The following VPS13B variants were observed in gnomAD, a reference collection of about 807,000 sequenced individuals.
VPS13B encodes the protein vacuolar protein sorting 13 homolog B.
A neutral mutation model predicts 426.4 loss-of-function variants in VPS13B; 285 were observed. The ratio of observed to expected loss-of-function variants is 0.67; its 90% confidence interval spans 0.61 to 0.74. VPS13B has a LOEUF of 0.74. Ranked by LOEUF, VPS13B falls within the 30% of genes least tolerant of loss-of-function variation. The pLI is 0.00. For synonymous variants in VPS13B, 1,676 were observed against 1,676.4 expected (o/e 1.00, Z 0.01); for missense variants, 4,537 against 4,782.6 (o/e 0.95, Z 1.51).
chr8:99,039,794 A>G (rs1842897804), intron 3 of VPS13B, among the ~76,000 whole-genome samples: 1 of 152,140 alleles, frequency 6.6e-6, no homozygotes, highest in Non-Finnish European at 1.5e-5. Context: ...TTTTCCATTT[A>G]TGAAATCTTT....
At chr8:99,277,457 T>G (rs972731274) in intron 19 of VPS13B, among the ~76,000 whole-genome samples, 2 of 152,170 alleles carry the variant, frequency 1.3e-5, no homozygotes, top group Non-Finnish European at 2.9e-5. Context: ...ATTAATCTTA[T>G]GTTCTTGTAA....
intron 2 of VPS13B, among the ~76,000 whole-genome samples, chr8:99,029,775 C>T (rs982363283): frequency 1.7e-5 from 2 of 120,838 alleles, no homozygotes; most frequent in East Asian, 2.5e-4. Context: ...GGAAGGAGAC[C>T]GTGGAAAGAG....
chr8:99,225,425 C>A (rs540799595), intron 17 of VPS13B, among the ~76,000 whole-genome samples: 1 of 152,160 alleles, frequency 6.6e-6, no homozygotes, highest in African/African-American at 2.4e-5. Flanking sequence ...TAGAGGCACC[C>A]ACCACCACGC....
Position 99,212,539 on chromosome 8 carries a change from A to C in VPS13B, c.2515+19482A>C, listed in dbSNP as rs566924705. Among the ~76,000 whole-genome samples, 3 of 152,324 alleles carry C rather than the reference A, an allele frequency of 2.0e-5. 1 individual carries two copies. The South Asian group carries it at 6.2e-4, about 32-fold the overall frequency. On this transcript the variant is annotated intron_variant, in intron 17 of 61. Coordinates refer to ENST00000357162, the MANE Select transcript of VPS13B (RefSeq NM_152564.5). ...AGGGAAGTCTGAGGAAGACAGGTGG[A>C]GGAAGGCAGAGCTGAGAAATCTCAG...
chr8:99,391,306 A>G (rs1436465614), intron 20 of VPS13B, among the ~76,000 whole-genome samples: 1 of 151,784 alleles, frequency 6.6e-6, no homozygotes, highest in African/African-American at 2.4e-5. Context: ...TTTAATTTAA[A>G]ATTTAAGTGG....
At chr8:99,691,483 G>A (rs1255846645) in intron 35 of VPS13B, among the ~76,000 whole-genome samples, 1 of 151,606 alleles carries the variant, frequency 6.6e-6, no homozygotes, top group Non-Finnish European at 1.5e-5. Context: ...ATTGTGCACG[G>A]GTGACTCAAG....
chr8:99,221,111 T>C (rs370329260), intron 17 of VPS13B, among the ~76,000 whole-genome samples: 1,263 of 122,596 alleles, frequency 0.01, 23 homozygotes, highest in African/African-American at 0.039. Context: ...CTACAAAGGA[T>C]ATGAACTCAT....
intron 19 of VPS13B, among the ~76,000 whole-genome samples, chr8:99,280,848 T>C (rs1819136241): frequency 1.3e-5 from 2 of 152,208 alleles, no homozygotes; most frequent in Admixed American, 1.3e-4. Flanking sequence ...TATCTTACCT[T>C]TCTTAGCTTT....
At chr8:99,177,231 T>G (rs1193690708) in intron 16 of VPS13B, among the ~76,000 whole-genome samples, 1 of 152,192 alleles carries the variant, frequency 6.6e-6, no homozygotes, top group Non-Finnish European at 1.5e-5. Context: ...GACTTTTTTT[T>G]ATGACATGGA....
intron 21 of VPS13B, among the ~76,000 whole-genome samples, chr8:99,410,574 A>AT (rs985655330): frequency 8.1e-5 from 12 of 148,514 alleles, no homozygotes; most frequent in South Asian, 2.1e-4. Context: ...TTATTTATTT[A>AT]TTATTATAAT....
chr8:99,497,335 TA>T (rs1218876997), intron 25 of VPS13B, among the ~76,000 whole-genome samples: 3 of 141,256 alleles, frequency 2.1e-5, no homozygotes, highest in African/African-American at 7.5e-5. Context: ...TATATACACA[TA>T]AAATACATAT....
chr8:99,337,475 G>GTTACGTATGTAA (rs1810974769), intron 19 of VPS13B, among the ~76,000 whole-genome samples: 1 of 151,366 alleles, frequency 6.6e-6, no homozygotes, highest in Non-Finnish European at 1.5e-5. Flanking sequence ...TAACTAACCT[G>GTTACGTATGTAA]CACATTGTGC....
intron 30 of VPS13B, among the ~76,000 whole-genome samples, chr8:99,531,678 G>A (rs1822944592): frequency 2.0e-5 from 3 of 151,972 alleles, no homozygotes; most frequent in East Asian, 1.9e-4. Flanking sequence ...CAAAATTATA[G>A]CAAAGTTGAC....
intron 33 of VPS13B, 23 bp from the exon 34 acceptor site, chr8:99,641,788 A>G: frequency 3.8e-6 from 6 of 1,596,962 alleles, no homozygotes; most frequent in Non-Finnish European, 5.1e-6. Flanking sequence ...AGTTTGAAAT[A>G]TTTTATTACT....
At chr8:99,744,759 G>A (rs1809981107) in intron 39 of VPS13B, among the ~76,000 whole-genome samples, 1 of 145,884 alleles carries the variant, frequency 6.9e-6, no homozygotes, top group South Asian at 2.3e-4. Flanking sequence ...TCATAGGTGG[G>A]AATTGAACAA....
intron 3 of VPS13B, among the ~76,000 whole-genome samples, chr8:99,087,617 T>TTG (rs1041527596): frequency 1.4e-5 from 2 of 146,710 alleles, no homozygotes; most frequent in African/African-American, 5.0e-5. Flanking sequence ...GTTTTTTTGT[T>TTG]TTTTTTTTTT....
chr8:99,735,675 T>C (rs950231929), intron 39 of VPS13B, among the ~76,000 whole-genome samples: 2 of 152,140 alleles, frequency 1.3e-5, no homozygotes, highest in African/African-American at 4.8e-5. Flanking sequence ...AAGTGTGTGG[T>C]AATTTTTCAT....
intron 23 of VPS13B, among the ~76,000 whole-genome samples, chr8:99,462,319 C>T (rs1818883404): frequency 1.3e-5 from 2 of 152,102 alleles, no homozygotes; most frequent in South Asian, 2.1e-4. Context: ...AGATAACAAA[C>T]TTTTTGGTTG....
rs745698032 is a variant in VPS13B, at chr8:99,481,739, A to C, written c.3807A>C (p.Ile1269=). 2.5e-6 allele frequency: 4 copies of C among 1,613,906 alleles called. No homozygotes were observed. The Admixed American group carries it at 6.7e-5, about 27-fold the overall frequency. The change falls in exon 25 of 62, where the codon ATA becomes ATC. Residue 1269 remains isoleucine (I), a synonymous_variant. Transcript: ENST00000357162. ...CTACTTCTCCAGTTAGAAGCAGTATAGGCACAGCTCCTCCAGATACCAGCA... is the reference window on the plus strand; with the variant it reads ...CTACTTCTCCAGTTAGAAGCAGTATCGGCACAGCTCCTCCAGATACCAGCA... The part of the protein sequence containing the change: ...PVPTSPVRSS[I]GTAPPDTSTC...
Sources: gnomAD v4.1 joint callset for allele counts (sites outside exome capture counted in the v4.1 genomes callset) on GRCh38, gnomAD v4.1.1 for gene constraint, MANE v1.5 for transcripts, NCBI Gene and HGNC (gene_info 2026-07-23, HGNC 2026-07-21) for gene names.